DLC1: variants seen among roughly 807,000 people sequenced by gnomAD.
DLC1 encodes DLC1 Rho GTPase activating protein.
DLC1 carries 54 observed loss-of-function variants against 140.3 expected under a neutral mutation model. That is an observed-to-expected ratio of 0.38 (90% confidence interval 0.31 to 0.48). The LOEUF is 0.48. Ranked by LOEUF, DLC1 falls within the 20% of genes least tolerant of loss-of-function variation. The pLI, the probability that DLC1 is intolerant of heterozygous loss-of-function variation, is 0.96. For missense variants in DLC1, 2,536 were observed against 1,907.0 expected (o/e 1.33, Z -6.14); for synonymous variants, 986 against 728.1 (o/e 1.35, Z -5.70).
At chr8:13,293,502 C>G (rs1831838815) in intron 5 of DLC1, among the ~76,000 whole-genome samples, 1 of 152,112 alleles carries the variant, frequency 6.6e-6, no homozygotes, top group African/African-American at 2.4e-5. Flanking sequence ...AGCTGAATGC[C>G]TGTATGAGTT....
chr8:13,308,349 C>G (rs1468596415), intron 4 of DLC1, among the ~76,000 whole-genome samples: 1 of 152,180 alleles, frequency 6.6e-6, no homozygotes, highest in Non-Finnish European at 1.5e-5. Flanking sequence ...AAAGGATAGT[C>G]AAAGTGTAGT....
At chr8:13,586,255 C>A (rs1417329469) in intron 1 of DLC1, among the ~76,000 whole-genome samples, 1 of 152,068 alleles carries the variant, frequency 6.6e-6, no homozygotes. Context: ...GATATGGTTT[C>A]ATTAACCAAG....
At chr8:13,184,326 C>T (rs941364869) in intron 5 of DLC1, among the ~76,000 whole-genome samples, 13 of 151,560 alleles carry the variant, frequency 8.6e-5, no homozygotes, top group African/African-American at 4.8e-5. Context: ...TTAGTTATTT[C>T]TTGCTTTCTG....
At chr8:13,447,812 G>T (rs182914564) in intron 2 of DLC1, among the ~76,000 whole-genome samples, 74 of 152,088 alleles carry the variant, frequency 4.9e-4, no homozygotes, top group Middle Eastern at 6.8e-3. Flanking sequence ...TTTCCTACCA[G>T]ATTAGCTAAA....
intron 5 of DLC1, among the ~76,000 whole-genome samples, chr8:13,270,840 A>G (rs562279189): frequency 1.3e-5 from 2 of 152,334 alleles, no homozygotes; most frequent in South Asian, 4.1e-4. Context: ...TAGGGTATCA[A>G]GAACTGAAAC....
At chr8:13,229,651 A>AAG (rs201386292) in intron 5 of DLC1, among the ~76,000 whole-genome samples, 13 of 150,512 alleles carry the variant, frequency 8.6e-5, no homozygotes, top group African/African-American at 2.4e-4. Context: ...GAGAGAGAGA[A>AAG]AGAGAGAGAG....
chr8:13,580,817 C>G (rs1357588610), intron 1 of DLC1, among the ~76,000 whole-genome samples: 2 of 152,202 alleles, frequency 1.3e-5, no homozygotes, highest in African/African-American at 4.8e-5. Flanking sequence ...GTTTACTATG[C>G]TCATAATCAG....
chr8:13,096,940 T>G (rs567463853), intron 10 of DLC1, among the ~76,000 whole-genome samples: 1 of 152,148 alleles, frequency 6.6e-6, no homozygotes, highest in African/African-American at 2.4e-5. Context: ...TGCACTGAGA[T>G]GTCAATCTAG....
rs146470005 is a variant in DLC1, at chr8:13,283,363, G to A, written c.1348+21906C>T. Among the ~76,000 whole-genome samples the A allele has an allele frequency of 8.1e-3, 1,223 of 150,756 alleles. 14 individuals are homozygous for A. The highest frequency in any genetic ancestry group is 0.013 in the Non-Finnish European group (901 of 67,810). ...AACTTTTTTTTTCCAGAAAATATAC[G>A]ATACATTGTGAAGTACTGTAATCTC... On this transcript the variant is annotated intron_variant, in intron 5 of 17. Coordinates refer to ENST00000276297, the MANE Select transcript of DLC1 (RefSeq NM_182643.3).
intron 2 of DLC1, among the ~76,000 whole-genome samples, chr8:13,429,491 G>A (rs1037363488): frequency 6.6e-6 from 1 of 152,098 alleles, no homozygotes; most frequent in Non-Finnish European, 1.5e-5. Context: ...TGAAAACCAC[G>A]GATATAGTGT....
At chr8:13,298,635 G>C (rs965967940) in intron 5 of DLC1, among the ~76,000 whole-genome samples, 5 of 152,240 alleles carry the variant, frequency 3.3e-5, no homozygotes, top group Admixed American at 3.3e-4. Context: ...AGCTTTTTAG[G>C]AGCACAGAAT....
chr8:13,484,410 T>C (rs1323385362), intron 2 of DLC1, among the ~76,000 whole-genome samples: 1 of 152,192 alleles, frequency 6.6e-6, no homozygotes, highest in Non-Finnish European at 1.5e-5. Context: ...CAGATAACAA[T>C]ATGAATCTAG....
rs549123182 is a variant in DLC1, at chr8:13,270,363, C to T, written c.1348+34906G>A. 5.6e-4 allele frequency among the ~76,000 whole-genome samples: 85 copies of T among 152,214 alleles called. 1 individual carries two copies. The South Asian group carries it at 0.017, about 31-fold the overall frequency. ...GTCTTGTTGCAGAAAGGGAGGTGTG[C>T]GAAACATCCCTTTCAAGTGGCAGCC... is the stretch of plus-strand genomic sequence containing the variant. On this transcript the variant is annotated intron_variant, in intron 5 of 17. Transcript: ENST00000276297.
At chr8:13,422,580 G>C (rs1005963602) in intron 2 of DLC1, among the ~76,000 whole-genome samples, 14 of 152,118 alleles carry the variant, frequency 9.2e-5, no homozygotes, top group African/African-American at 3.4e-4. Context: ...TTGTGCCAGT[G>C]TAAGTCTCTT....
At chr8:13,286,457 G>T (rs1618938) in intron 5 of DLC1, among the ~76,000 whole-genome samples, 97,119 of 151,876 alleles carry the variant, frequency 0.64, 31,400 homozygotes, top group East Asian at 0.9. Flanking sequence ...CACTTTATAT[G>T]GAATCATTAT....
chr8:13,164,170 C>T (rs189165892), intron 5 of DLC1, among the ~76,000 whole-genome samples: 52 of 152,046 alleles, frequency 3.4e-4, no homozygotes, highest in South Asian at 1.0e-3. Flanking sequence ...TGGTGGCAGG[C>T]GCCTTAATCC....
intron 5 of DLC1, among the ~76,000 whole-genome samples, chr8:13,182,181 GT>G (rs1322992204): frequency 6.6e-6 from 1 of 151,776 alleles, no homozygotes; most frequent in Non-Finnish European, 1.5e-5. Flanking sequence ...TTTTGATAGG[GT>G]TTTTTCTTTT....
At chr8:13,144,694 G>A (rs1005201335) in intron 5 of DLC1, among the ~76,000 whole-genome samples, 2 of 152,204 alleles carry the variant, frequency 1.3e-5, no homozygotes, top group East Asian at 1.9e-4. Context: ...GAACCAGAGA[G>A]GCAGAGCTTG....
intron 2 of DLC1, among the ~76,000 whole-genome samples, chr8:13,468,795 C>T (rs72603974): frequency 0.07 from 9,948 of 142,950 alleles, 511 homozygotes; most frequent in East Asian, 0.14. Context: ...TGTTGATTCT[C>T]CCAATTTTAT....
Sources: allele counts gnomAD v4.1 joint callset (sites outside exome capture counted in the v4.1 genomes callset), GRCh38; gene constraint gnomAD v4.1.1; transcripts MANE v1.5; gene names NCBI Gene and HGNC (gene_info 2026-07-23, HGNC 2026-07-21).